The following DERPC variants were observed in gnomAD, a reference collection of about 807,000 sequenced individuals.
The protein encoded by DERPC is DERPC proline and glycine rich nuclear protein.
DERPC carries 1 observed loss-of-function variant against 7.2 expected under a neutral mutation model. That is an observed-to-expected ratio of 0.14 (90% CI 0.05 to 0.66). The LOEUF is 0.66. Among genes scored for constraint, DERPC ranks in the 30% least tolerant of loss-of-function variants. The pLI is 0.84. For synonymous variants in DERPC, 185 were observed against 117.6 expected (o/e 1.57, Z -3.71); for missense variants, 502 against 299.4 (o/e 1.68, Z -4.99).
rs117169105 is a variant in DERPC at position 69,118,488 on chromosome 16, G to A, written c.*366C>T. 1.5e-6 allele frequency: 2 copies of A among 1,353,348 alleles called. No homozygotes were observed. The highest frequency in any genetic ancestry group is 2.1e-6 in the Non-Finnish European group (2 of 941,512). The allele number at this position is 1,353,348 out of a possible 1,614,324, so 83.8% of individuals were successfully genotyped here. A position where few individuals can be genotyped will look rare whatever the true frequency, so the allele number is the denominator to read the frequency against. ...GCTGATTCTCCAATGGTGAGCAGGG[G>A]ACTACATGTGAACTGGGACCTGCAG... On this transcript the variant is annotated 3_prime_UTR_variant, in exon 3 of 3. Coordinates refer to ENST00000519520, the MANE Select transcript of DERPC (RefSeq NM_001002847.4).
At chr16:69,129,742 T>C (rs1715920660) in intron 1 of DERPC, among the ~76,000 whole-genome samples, 1 of 152,136 alleles carries the variant, frequency 6.6e-6, no homozygotes, top group Admixed American at 6.6e-5. Context: ...GTAAAGCACC[T>C]CTGTATGATA....
At chr16:69,123,825 C>T (rs145015334) in intron 1 of DERPC, among the ~76,000 whole-genome samples, 93 of 151,422 alleles carry the variant, frequency 6.1e-4, no homozygotes, top group African/African-American at 2.1e-3. Context: ...CAGTAGCTCA[C>T]GCCTGCAATT....
Position 69,118,330 on chromosome 16 carries a change from T to A in DERPC, c.*524A>T. ...GGTGGGTCTTTCTTTGAAGTGGTTG[T>A]CCATCTCCCTGTTCTGTGTTCAAGC... is the stretch of plus-strand genomic sequence containing the variant. On this transcript the variant is annotated 3_prime_UTR_variant, in exon 3 of 3. Transcript: ENST00000519520. 7.2e-7 allele frequency: 1 copy of A among 1,391,626 alleles called. No homozygotes were observed. Among genetic ancestry groups the A allele is most frequent in the Non-Finnish European group, 1.0e-6 (1 of 976,856 alleles). 86.2% of individuals were successfully genotyped at this position (1,391,626 alleles called of 1,614,324 possible).
chr16:69,125,817 C>T (rs1168355706), intron 1 of DERPC, among the ~76,000 whole-genome samples: 1 of 152,202 alleles, frequency 6.6e-6, no homozygotes, highest in African/African-American at 2.4e-5. Context: ...AAGTGTGGAC[C>T]TCTTTACTGT....
rs1962629957 is a variant in DERPC, at chr16:69,132,504, C to G, written c.-300G>C. On this transcript the variant is annotated 5_prime_UTR_variant, in exon 1 of 3. Coordinates refer to ENST00000519520, the MANE Select transcript of DERPC (RefSeq NM_001002847.4). ...CTGACCTGCAATGGCGGCCGCCGAG[C>G]GCGGCGCCGCGCGGCCAACGGGCGA... 2 of 275,662 alleles carry G rather than the reference C, an allele frequency of 7.3e-6. No homozygotes were observed. Among genetic ancestry groups the G allele is most frequent in the African/African-American group, 2.4e-5 (1 of 41,962 alleles). 17.1% of individuals were successfully genotyped at this position (275,662 alleles called of 1,614,324 possible). A position where few individuals can be genotyped will look rare whatever the true frequency, so the allele number is the denominator to read the frequency against.
At chr16:69,122,117 A>C (rs1961718779) in intron 1 of DERPC, among the ~76,000 whole-genome samples, 1 of 152,158 alleles carries the variant, frequency 6.6e-6, no homozygotes, top group African/African-American at 2.4e-5. Context: ...ACTGTGTGCT[A>C]GGTACTTTTC....
intron 1 of DERPC, among the ~76,000 whole-genome samples, chr16:69,122,122 CTT>C (rs1210074483): frequency 1.3e-5 from 2 of 152,170 alleles, no homozygotes. Context: ...GTGCTAGGTA[CTT>C]TTCTAAGTCC....
Position 69,118,843 on chromosome 16 carries a change from G to A in DERPC, c.*11C>T. 1 of 697,908 alleles carries A rather than the reference G, an allele frequency of 1.4e-6. No homozygotes were observed. The highest frequency in any genetic ancestry group is 2.6e-6 in the Non-Finnish European group (1 of 381,800). 43.2% of individuals were successfully genotyped at this position (697,908 alleles called of 1,614,324 possible). A position where few individuals can be genotyped will look rare whatever the true frequency, so the allele number is the denominator to read the frequency against. On this transcript the variant is annotated 3_prime_UTR_variant, in exon 3 of 3. Coordinates refer to ENST00000519520, the MANE Select transcript of DERPC (RefSeq NM_001002847.4). Reference sequence around the variant, plus strand: ...CTAGAAACCAAGGTGGTCCTGGAGGGAAAATGGTGTTTAAGGGGGCAACAT... The same window carrying A: ...CTAGAAACCAAGGTGGTCCTGGAGGAAAAATGGTGTTTAAGGGGGCAACAT...
Position 69,118,297 on chromosome 16 carries a change from CT to C in DERPC, c.*556del. 9.0e-7 allele frequency: 1 copy of C among 1,110,088 alleles called. No homozygotes were observed. Among genetic ancestry groups the C allele is most frequent in the Non-Finnish European group, 1.4e-6 (1 of 722,170 alleles). The allele number at this position is 1,110,088 out of a possible 1,614,324, so 68.8% of individuals were successfully genotyped here. On this transcript the variant is annotated 3_prime_UTR_variant, in exon 3 of 3. Transcript: ENST00000519520. ...GCAGGCCCAGTCAGTCAAGCAGAAA[CT>C]GCATTCGGTGGGTCTTTCTTTGAAG...
intron 1 of DERPC, among the ~76,000 whole-genome samples, chr16:69,122,341 T>A (rs1961733517): frequency 6.6e-6 from 1 of 152,026 alleles, no homozygotes; most frequent in South Asian, 2.1e-4. Context: ...CTCACTATGC[T>A]GATGTGCCTT....
At chr16:69,131,496 C>A (rs1200901541) in intron 1 of DERPC, 1 of 136,654 alleles carries the variant, frequency 7.3e-6, no homozygotes, top group Non-Finnish European at 1.6e-5. Flanking sequence ...CCACCCCCAT[C>A]TTCTCCACCC....
Position 69,119,629 on chromosome 16 carries a change from A to G in DERPC, c.800T>C (p.Met267Thr), listed in dbSNP as rs769790070. The G allele has an allele frequency of 1.4e-6, 1 of 690,282 alleles. No homozygotes were observed. The highest frequency in any genetic ancestry group is 1.5e-5 in the South Asian group (1 of 66,728). 42.8% of individuals were successfully genotyped at this position (690,282 alleles called of 1,614,324 possible). Residue 267 changes from methionine (M) to threonine (T), a missense_variant, in exon 3 of 3, where the codon ATG (methionine) becomes ACG (threonine). Physicochemically the swap from Met to Thr is moderately conservative, Grantham distance 81. Coordinates refer to ENST00000519520, the MANE Select transcript of DERPC (RefSeq NM_001002847.4). ...LGTGSGLNLR[M>T]AGPQGLDLAP... ...AAGATCGAGGCCTTGAGGTCCAGCC[A>G]TTCTTAAGTTAAGACCAGATCCTGT...
Position 69,118,225 on chromosome 16 carries a change from G to A in DERPC, c.*629C>T. 1 of 568,996 alleles carries A rather than the reference G, an allele frequency of 1.8e-6. No individual in the cohort carries two copies. Among genetic ancestry groups the A allele is most frequent in the Non-Finnish European group, 3.3e-6 (1 of 300,652 alleles). The allele number at this position is 568,996 out of a possible 1,614,324, so 35.2% of individuals were successfully genotyped here. ...CAGTGAAGAGGGAGTTGGATGAGTA[G>A]AGGGGCCTTAAATCTGGCCACCTCT... On this transcript the variant is annotated 3_prime_UTR_variant, in exon 3 of 3. Transcript: ENST00000519520.
At chr16:69,128,478 A>G in intron 1 of DERPC, among the ~76,000 whole-genome samples, 1 of 152,208 alleles carries the variant, frequency 6.6e-6, no homozygotes, top group Non-Finnish European at 1.5e-5. Flanking sequence ...TCCTGTCCCC[A>G]ATCTCATGAG....
chr16:69,121,043 G>C (rs1961614167), intron 2 of DERPC: 1 of 1,608,694 alleles, frequency 6.2e-7, no homozygotes. Flanking sequence ...GGAAAGAAAA[G>C]CCCCCTCACC....
At chr16:69,131,626 A>C in intron 1 of DERPC, among the ~76,000 whole-genome samples, 2 of 124,684 alleles carry the variant, frequency 1.6e-5, no homozygotes, top group Admixed American at 8.5e-5. Context: ...CCCCCCTCCA[A>C]ATTACAAGCT....
At position 69,119,922 on chromosome 16, in the gene DERPC, A is replaced by T. The variant is rs1961496320; in HGVS notation, c.507T>A (p.Pro169=). 4.3e-6 allele frequency: 3 copies of T among 702,652 alleles called. No homozygotes were observed. The East Asian group carries it at 8.0e-5, about 19-fold the overall frequency. 43.5% of individuals were successfully genotyped at this position (702,652 alleles called of 1,614,324 possible). Residue 169 remains proline (P), a synonymous_variant, in exon 3 of 3, where the codon CCT becomes CCA. Transcript: ENST00000519520. The part of the protein sequence containing the change: ...PRAGGLLGAG[P]DPRGGGPMGP... ...CCATGGGACCACCACCTCTGGGGTC[A>T]GGACCTGCTCCCAGGAGACCACCTG...
chr16:69,121,550 C>A, intron 1 of DERPC, 57 bp from the exon 2 acceptor site: 1 of 1,040,172 alleles, frequency 9.6e-7, no homozygotes, highest in Admixed American at 2.3e-5. Context: ...ATAATGACAC[C>A]TAATGCAACC....
At position 69,121,432 on chromosome 16, in the gene DERPC, T is replaced by C. The variant is rs773795101; in HGVS notation, c.-222+4A>G. 1 of 1,606,588 alleles carries C rather than the reference T, an allele frequency of 6.2e-7. No individual in the cohort carries two copies. Among genetic ancestry groups the C allele is most frequent in the African/African-American group, 1.3e-5 (1 of 74,324 alleles). On this transcript the variant is annotated splice_donor_region_variant and intron_variant, in intron 2 of 2. Coordinates refer to ENST00000519520, the MANE Select transcript of DERPC (RefSeq NM_001002847.4). ...CAAATTTTAAAATCTCAAAATGTAC[T>C]TACCTGGAAATAACAATTTGCACCA...
Sources: gnomAD v4.1 joint callset for allele counts (sites outside exome capture counted in the v4.1 genomes callset) on GRCh38, gnomAD v4.1.1 for gene constraint, MANE v1.5 for transcripts, NCBI Gene and HGNC (gene_info 2026-07-23, HGNC 2026-07-21) for gene names.